Variants in SYNE1 observed in about 807,000 individuals in gnomAD.
SYNE1 encodes spectrin repeat containing nuclear envelope protein 1.
In SYNE1, 616 loss-of-function variants were observed where a neutral mutation model predicts 1,111.0. That is an observed-to-expected ratio of 0.55 (90% CI 0.52 to 0.59). The LOEUF (loss-of-function observed/expected upper bound fraction) is 0.59, where lower values mean the gene tolerates loss of function less well. SYNE1 is among the 20% of genes least tolerant of loss of function. The pLI, the probability that SYNE1 is intolerant of heterozygous loss-of-function variation, is 0.00. For synonymous variants in SYNE1, 3,855 were observed against 3,825.8 expected (o/e 1.01, Z -0.28); for missense variants, 10,006 against 10,417.0 (o/e 0.96, Z 1.72).
chr6:152,426,093 A>T (rs562889417), intron 38 of SYNE1, among the ~76,000 whole-genome samples: 1 of 152,332 alleles, frequency 6.6e-6, no homozygotes, highest in African/African-American at 2.4e-5. Flanking sequence ...TCATTTTAAA[A>T]ATGTAATCAG....
At chr6:152,284,249 C>T (rs1259935996) in intron 95 of SYNE1, 77 bp from the exon 96 acceptor site, 2 of 1,453,960 alleles carry the variant, frequency 1.4e-6, no homozygotes, top group East Asian at 2.3e-5. Flanking sequence ...CTGAGTCTCA[C>T]ATCCATTGGG....
At chr6:152,319,180 C>T (rs2095810154) in intron 84 of SYNE1, among the ~76,000 whole-genome samples, 165 bp from the exon 85 acceptor site, 2 of 152,234 alleles carry the variant, frequency 1.3e-5, no homozygotes, top group African/African-American at 2.4e-5. Context: ...CTGGCTTTCC[C>T]TGACTTCACT....
At chr6:152,354,544 A>G (rs1371891536) in intron 67 of SYNE1, 115 bp downstream of exon 67, 4 of 1,231,778 alleles carry the variant, frequency 3.2e-6, no homozygotes, top group Non-Finnish European at 4.7e-6. Context: ...CTAGGTAATC[A>G]AAAAGATTTT....
intron 77 of SYNE1, among the ~76,000 whole-genome samples, chr6:152,332,503 A>G (rs2096271050): frequency 6.6e-6 from 1 of 152,216 alleles, no homozygotes; most frequent in Non-Finnish European, 1.5e-5. Context: ...ACTGAGCAGA[A>G]TCTATATGGT....
At position 152,391,418 on chromosome 6, in the gene SYNE1, C is replaced by G; in HGVS notation, c.7863G>C (p.Val2621=). ...CCAGGGCTTCGTGCTCCTGAAGGGC[C>G]ACCTGGCAGCTCCGGAGTTTCTCTT... ...MTKEKLRSCQ[V]ALQEHEALEE... is the part of the protein sequence containing the mutation. Residue 2621 remains valine (V), a synonymous_variant, in exon 52 of 146, where the codon GTG becomes GTC. Transcript: ENST00000367255. 2 of 1,613,890 alleles carry G rather than the reference C, an allele frequency of 1.2e-6. No individual in the cohort carries two copies. The highest frequency in any genetic ancestry group is 1.7e-6 in the Non-Finnish European group (2 of 1,179,976).
At chr6:152,540,630 A>G (rs554945730) in intron 3 of SYNE1, among the ~76,000 whole-genome samples, 30 of 152,366 alleles carry the variant, frequency 2.0e-4, no homozygotes, top group African/African-American at 7.2e-4. Flanking sequence ...TGTCTAGCCA[A>G]TAGGATATGA....
intron 74 of SYNE1, among the ~76,000 whole-genome samples, chr6:152,342,292 A>G (rs2096549319): frequency 6.6e-6 from 1 of 152,228 alleles, no homozygotes; most frequent in African/African-American, 2.4e-5. Context: ...CAGAGGAGAA[A>G]GATTAAGTGT....
chr6:152,362,248 A>G lies in SYNE1; in HGVS notation c.10221T>C (p.Ser3407=). The G allele has an allele frequency of 2.5e-6, 4 of 1,614,198 alleles. No individual in the cohort carries two copies. The highest frequency in any genetic ancestry group is 3.4e-6 in the Non-Finnish European group (4 of 1,180,038). ...GVRQFSGWMD[S]MEANLNESER... ...CTGATTCATTCAGGTTGGCTTCCATACTATCCATCCAACCGGAGAACTGTC... is the reference window on the plus strand; with the variant it reads ...CTGATTCATTCAGGTTGGCTTCCATGCTATCCATCCAACCGGAGAACTGTC... Residue 3407 remains serine, a synonymous_variant, in exon 64 of 146, where the codon AGT becomes AGC. Transcript: ENST00000367255.
intron 74 of SYNE1, 148 bp from the exon 75 acceptor site, chr6:152,339,514 G>A: frequency 2.6e-6 from 3 of 1,171,732 alleles, no homozygotes; most frequent in South Asian, 1.3e-5. Flanking sequence ...ACATATATTA[G>A]TGACTCACAG....
chr6:152,277,648 T>C (rs1277641146), intron 98 of SYNE1: 3 of 225,574 alleles, frequency 1.3e-5, no homozygotes, highest in Non-Finnish European at 2.7e-5. Context: ...TGTAAACTTA[T>C]TATTTTTCTG....
At chr6:152,157,370 A>G (rs908585883) in intron 131 of SYNE1, among the ~76,000 whole-genome samples, 1 of 152,248 alleles carries the variant, frequency 6.6e-6, no homozygotes, top group Non-Finnish European at 1.5e-5. Context: ...TGGGAGCTAA[A>G]AAAGTTGATC....
intron 129 of SYNE1, among the ~76,000 whole-genome samples, chr6:152,178,700 A>C (rs931823452): frequency 6.6e-6 from 1 of 152,142 alleles, no homozygotes; most frequent in African/African-American, 2.4e-5. Flanking sequence ...GGTGCAGGGG[A>C]TATAGCAATA....
In SYNE1 at chr6:152,309,966, G is replaced by T; in HGVS notation, c.17071C>A (p.Leu5691Ile). The T allele has an allele frequency of 6.2e-7, 1 of 1,614,168 alleles. No individual in the cohort carries two copies. Among genetic ancestry groups the T allele is most frequent in the Non-Finnish European group, 8.5e-7 (1 of 1,180,048 alleles). Residue 5691 changes from leucine to isoleucine, a missense_variant, in exon 90 of 146, where the codon CTC (leucine) becomes ATC (isoleucine). By Grantham distance (5) the Leu-to-Ile change is conservative. Coordinates refer to ENST00000367255, the MANE Select transcript of SYNE1 (RefSeq NM_182961.4). ...GGGATCCGGAGGGCACTCTGGCAGA[G>T]CTGCACTGCTTGCACCTTCGGCTTC... is the stretch of plus-strand genomic sequence containing the variant. ...SLKPKVQAVQ[L>I]CQSALRIPED...
intron 3 of SYNE1, among the ~76,000 whole-genome samples, chr6:152,620,502 A>G (rs1327436601): frequency 6.6e-6 from 1 of 152,172 alleles, no homozygotes; most frequent in Non-Finnish European, 1.5e-5. Flanking sequence ...TATCCAAAAT[A>G]AGGTCTCAGT....
chr6:152,141,391 G>C, intron 138 of SYNE1, 62 bp from the exon 139 acceptor site: 1 of 1,605,298 alleles, frequency 6.2e-7, no homozygotes, highest in African/African-American at 1.3e-5. Flanking sequence ...AAAGCTTCCG[G>C]GGAAAATCTC....
Position 152,373,049 on chromosome 6 carries a change from T to A in SYNE1, c.9495A>T (p.Glu3165Asp), listed in dbSNP as rs6913579. The A allele has an allele frequency of 6.2e-7, 1 of 1,613,808 alleles. No individual in the cohort carries two copies. The highest frequency in any genetic ancestry group is 8.5e-7 in the Non-Finnish European group (1 of 1,179,926). Residue 3165 changes from glutamate (E) to aspartate (D), a missense_variant, in exon 59 of 146, where the codon GAA becomes GAT. Transcript: ENST00000367255. Reference sequence around the variant, plus strand: ...TGGCTATATATACCTCTAGAGCAGATTCTTTTTGGTGGAGATTTGAATGAA... The same window carrying A: ...TGGCTATATATACCTCTAGAGCAGAATCTTTTTGGTGGAGATTTGAATGAA... ...KNFHSNLHQK[E>D]SALENLKIQM...
chr6:152,415,679 G>A lies in SYNE1; in HGVS notation c.6050+708C>T, dbSNP rs191460431. On this transcript the variant is annotated intron_variant, in intron 41 of 145. Coordinates refer to ENST00000367255, the MANE Select transcript of SYNE1 (RefSeq NM_182961.4). ...TCAGTAAAAAAATTGTTTAAAAACA[G>A]ATAATAAGATCTACATATTCTTTGC... is the stretch of plus-strand genomic sequence containing the variant. Among the ~76,000 whole-genome samples the A allele has an allele frequency of 7.5e-4, 111 of 147,976 alleles. 2 individuals are homozygous for A. Among genetic ancestry groups the A allele is most frequent in the African/African-American group, 2.6e-3 (106 of 40,164 alleles).
intron 16 of SYNE1, among the ~76,000 whole-genome samples, chr6:152,467,885 T>G (rs2098780773): frequency 6.6e-6 from 1 of 152,168 alleles, no homozygotes; most frequent in Admixed American, 6.5e-5. Flanking sequence ...TATGGATTAT[T>G]TTATCTATTG....
chr6:152,504,451 G>A (rs1221750262), intron 9 of SYNE1, among the ~76,000 whole-genome samples: 1 of 152,144 alleles, frequency 6.6e-6, no homozygotes. Context: ...AAAACAGAGA[G>A]TAGATTGGTG....
Sources: gnomAD v4.1 joint callset for allele counts (sites outside exome capture counted in the v4.1 genomes callset) on GRCh38, gnomAD v4.1.1 for gene constraint, MANE v1.5 for transcripts, NCBI Gene and HGNC (gene_info 2026-07-23, HGNC 2026-07-21) for gene names.